ASRGL1: variants seen among roughly 807,000 people sequenced by gnomAD.
The protein encoded by ASRGL1 is isoaspartyl peptidase/L-asparaginase.
Under a neutral mutation model 22.4 loss-of-function variants are expected in ASRGL1, and 16 were observed. That is an observed-to-expected ratio of 0.71 (90% CI 0.48 to 1.08). The LOEUF (loss-of-function observed/expected upper bound fraction) is 1.08, where lower values mean the gene tolerates loss of function less well. Among genes scored for constraint, ASRGL1 ranks in the 50% least tolerant of loss-of-function variants. The pLI is 0.00. For synonymous variants in ASRGL1, 165 were observed against 159.3 expected, an observed-to-expected ratio of 1.04 and a Z score of -0.27; for missense variants, 412 against 410.1, an observed-to-expected ratio of 1.00 and a Z score of -0.04.
At chr11:62,399,265 G>A in the ASRGL1 span, among the ~76,000 whole-genome samples, 1 of 152,162 alleles carries the variant, frequency 6.6e-6, no homozygotes, top group Non-Finnish European at 1.5e-5. Context: ...CAAGCACAAA[G>A]GGTCAGGACT....
Position 62,384,026 on chromosome 11 carries a change from A to ACGTGTG in ASRGL1, c.492-5106_492-5101dup, listed in dbSNP as rs762036089. 5.8e-4 allele frequency among the ~76,000 whole-genome samples: 79 copies of ACGTGTG among 136,224 alleles called. 1 individual carries two copies. Among genetic ancestry groups the ACGTGTG allele is most frequent in the Admixed American group, 9.2e-4 (12 of 13,030 alleles). 89.4% of individuals were successfully genotyped at this position (136,224 alleles called of 152,430 possible). A position where few individuals can be genotyped will look rare whatever the true frequency, so the allele number is the denominator to read the frequency against. On this transcript the variant is annotated intron_variant, in intron 4 of 6. Coordinates refer to ENST00000415229, the MANE Select transcript of ASRGL1 (RefSeq NM_001083926.2). ...TGTGTGTGTGCATGTGTGTGTGTGC[A>ACGTGTG]CGTGTGTGCGTGTGTGTGTGTGTGT...
At chr11:62,388,241 A>T (rs182205123) in intron 4 of ASRGL1, among the ~76,000 whole-genome samples, 136 of 152,346 alleles carry the variant, frequency 8.9e-4, no homozygotes, top group Non-Finnish European at 2.6e-4. Flanking sequence ...AAAACATCAT[A>T]GGTGGCACAT....
At chr11:62,371,543 TC>T (rs1470541245) in intron 4 of ASRGL1, 4 of 706,022 alleles carry the variant, frequency 5.7e-6, no homozygotes, top group Admixed American at 3.7e-5. Context: ...TTCTCTAATC[TC>T]AAGTACCCAG....
At chr11:62,361,675 A>G (rs942894272) in intron 4 of ASRGL1, among the ~76,000 whole-genome samples, 1 of 151,704 alleles carries the variant, frequency 6.6e-6, no homozygotes, top group Non-Finnish European at 1.5e-5. Context: ...TTTAGTAGAG[A>G]GGGGGTTTCA....
intron 4 of ASRGL1, among the ~76,000 whole-genome samples, chr11:62,362,130 T>C (rs1311659247): frequency 6.6e-6 from 1 of 152,040 alleles, no homozygotes; most frequent in Non-Finnish European, 1.5e-5. Flanking sequence ...GTTTCTAGGA[T>C]GCATGACCTC....
In ASRGL1 at chr11:62,354,547, G is replaced by A. The variant is rs967041682; in HGVS notation, c.191-1778G>A. On this transcript the variant is annotated intron_variant, in intron 2 of 6. Coordinates refer to ENST00000415229, the MANE Select transcript of ASRGL1 (RefSeq NM_001083926.2). ...GAGACCATTATTAAGTAAAATAAGG[G>A]TTTCTTGAACACAAGCACTGAGAGG... Among the ~76,000 whole-genome samples the A allele has an allele frequency of 9.2e-5, 14 of 152,292 alleles. No homozygotes were observed. The East Asian group carries it at 2.5e-3, about 27-fold the overall frequency.
chr11:62,341,196 ATTTTTTT>A (rs577020969), intron 2 of ASRGL1, among the ~76,000 whole-genome samples: 32 of 135,360 alleles, frequency 2.4e-4, no homozygotes, highest in Non-Finnish European at 2.6e-4. Context: ...AGATAACAGG[ATTTTTTT>A]TTTTTTTTTT....
In ASRGL1 at chr11:62,357,411, G is replaced by A. The variant is rs7482885; in HGVS notation, c.491+267G>A. The stretch of plus-strand genomic sequence containing the variant: ...ACTACAGGCACACACCACTGCACCC[G>A]GCTCATTTTTTTTTTTTTTTTTTTT... On this transcript the variant is annotated intron_variant, in intron 4 of 6. Coordinates refer to ENST00000415229, the MANE Select transcript of ASRGL1 (RefSeq NM_001083926.2). 4.5e-3 allele frequency among the ~76,000 whole-genome samples: 642 copies of A among 143,820 alleles called. 10 individuals carry two copies. Among genetic ancestry groups the A allele is most frequent in the African/African-American group, 0.015 (615 of 39,996 alleles). The allele number at this position is 143,820 out of a possible 152,430, so 94.4% of individuals were successfully genotyped here.
In ASRGL1 at chr11:62,391,530, G is replaced by A. The variant is rs764286423; in HGVS notation, c.619G>A (p.Gly207Ser). ...VGDSPCLGAG[G>S]YADNDIGAVS... is the part of the protein sequence containing the mutation. ...TCACCCTTTTTGAGCAGGAGCTGGA[G>A]GTTATGCCGACAATGACATCGGAGC... is the stretch of plus-strand genomic sequence containing the variant. The change falls in exon 6 of 7, where the codon GGT (glycine) becomes AGT (serine). Residue 207 changes from glycine to serine, a missense_variant. Physicochemically the swap from Gly to Ser is moderately conservative, Grantham distance 56 (BLOSUM62 0). Coordinates refer to ENST00000415229, the MANE Select transcript of ASRGL1 (RefSeq NM_001083926.2). 6.2e-7 allele frequency: 1 copy of A among 1,611,174 alleles called. No individual in the cohort carries two copies. The highest frequency in any genetic ancestry group is 8.5e-7 in the Non-Finnish European group (1 of 1,178,636).
Position 62,338,103 on chromosome 11 carries a change from GA to G in ASRGL1, c.127del (p.Ser43AlafsTer6). On this transcript the variant is annotated frameshift_variant, in exon 2 of 7. Transcript: ENST00000415229. LOFTEE classifies it high-confidence loss of function. Reference protein sequence around the residue: ...VGYGILREGGSAVDAVEGAVV... With the variant: ...VGYGILREGGXAVDAVEGAVV... ...GCTACGGCATCCTCCGGGAGGGCGG[GA>G]GCGCCGTGGATGCCGTAGAGGGAGC... is the stretch of plus-strand genomic sequence containing the variant. The G allele has an allele frequency of 6.2e-7, 1 of 1,607,324 alleles. No individual in the cohort carries two copies. Among genetic ancestry groups the G allele is most frequent in the Non-Finnish European group, 8.5e-7 (1 of 1,177,400 alleles).
At chr11:62,372,547 GC>G in intron 4 of ASRGL1, 1 of 929,730 alleles carries the variant, frequency 1.1e-6, no homozygotes, top group Non-Finnish European at 1.8e-6. Context: ...CCAGCGAGTG[GC>G]CATCTTCATT....
chr11:62,363,123 CG>C (rs1162203501), intron 4 of ASRGL1, among the ~76,000 whole-genome samples: 22 of 150,832 alleles, frequency 1.5e-4, no homozygotes, highest in African/African-American at 5.4e-4. Flanking sequence ...TTAGTAGAGA[CG>C]GGGTTTCACC....
intron 4 of ASRGL1, among the ~76,000 whole-genome samples, chr11:62,363,477 T>C (rs1946534477): frequency 6.6e-6 from 1 of 152,142 alleles, no homozygotes; most frequent in Non-Finnish European, 1.5e-5. Flanking sequence ...TGAATAACAT[T>C]CTCCTGTTTT....
chr11:62,365,884 C>A (rs184370121), intron 4 of ASRGL1, among the ~76,000 whole-genome samples: 1 of 151,970 alleles, frequency 6.6e-6, no homozygotes, highest in East Asian at 1.9e-4. Context: ...GGTACTCTTA[C>A]CACAAAAAAT....
intron 2 of ASRGL1, among the ~76,000 whole-genome samples, chr11:62,347,626 G>GC (rs1234151662): frequency 1.5e-5 from 2 of 130,788 alleles, no homozygotes; most frequent in Non-Finnish European, 3.6e-5. Context: ...AAAATATTTG[G>GC]GGAAAAAAAA....
chr11:62,381,018 C>T (rs1207109606), intron 4 of ASRGL1, among the ~76,000 whole-genome samples: 1 of 152,162 alleles, frequency 6.6e-6, no homozygotes, highest in East Asian at 1.9e-4. Context: ...GCTGTCCATA[C>T]TGATTTTCTG....
intron 2 of ASRGL1, among the ~76,000 whole-genome samples, chr11:62,342,123 CCTT>C (rs1565151250): frequency 3.3e-5 from 5 of 151,948 alleles, no homozygotes; most frequent in Non-Finnish European, 5.9e-5. Context: ...TGAAACGGGA[CCTT>C]ACATTTTCTA....
At chr11:62,387,945 C>T (rs1947253380) in intron 4 of ASRGL1, among the ~76,000 whole-genome samples, 1 of 152,162 alleles carries the variant, frequency 6.6e-6, no homozygotes, top group Admixed American at 6.5e-5. Flanking sequence ...CATGACAGGA[C>T]AAGAAATGCA....
At chr11:62,378,689 T>G (rs1200480348) in intron 4 of ASRGL1, among the ~76,000 whole-genome samples, 1 of 152,196 alleles carries the variant, frequency 6.6e-6, no homozygotes, top group Non-Finnish European at 1.5e-5. Context: ...CTGCCGGATT[T>G]TTTTTGAATT....
Sources: allele counts gnomAD v4.1 joint callset (sites outside exome capture counted in the v4.1 genomes callset), GRCh38; gene constraint gnomAD v4.1.1; transcripts MANE v1.5; gene names NCBI Gene and HGNC (gene_info 2026-07-23, HGNC 2026-07-21).